The following SHROOM2 variants were observed in gnomAD, a reference collection of about 807,000 sequenced individuals.
The protein encoded by SHROOM2 is shroom family member 2, also known as protein Shroom2.
A neutral mutation model predicts 75.9 loss-of-function variants in SHROOM2; 33 were observed. The ratio of observed to expected loss-of-function variants is 0.43; its 90% confidence interval spans 0.33 to 0.58. The LOEUF is 0.58. Ranked by LOEUF, SHROOM2 falls within the 20% of genes least tolerant of loss-of-function variation. The pLI is 0.04. For missense variants in SHROOM2, 1,434 were observed against 1,461.2 expected, an observed-to-expected ratio of 0.98 and a Z score of 0.30; for synonymous variants, 655 against 663.6, an observed-to-expected ratio of 0.99 and a Z score of 0.20.
intron 1 of SHROOM2, among the ~76,000 whole-genome samples, chrX:9,805,041 C>T (rs753079698): frequency 9.3e-6 from 1 of 107,371 alleles, no homozygotes; most frequent in Non-Finnish European, 1.9e-5. Context: ...TCGAGACGAG[C>T]TTGCTTGGCC....
intron 5 of SHROOM2, among the ~76,000 whole-genome samples, chrX:9,930,722 G>C (rs1352287786): frequency 9.1e-6 from 1 of 110,279 alleles, no homozygotes; most frequent in Non-Finnish European, 1.9e-5. Context: ...CCCATGCATA[G>C]CTGTGTTCAA....
At chrX:9,866,228 C>T (rs186701979) in intron 1 of SHROOM2, among the ~76,000 whole-genome samples, 13 of 108,329 alleles carry the variant, frequency 1.2e-4, no homozygotes, top group African/African-American at 3.7e-4. Context: ...TATTTCCCAA[C>T]GTGTCTCTTT....
At chrX:9,829,683 C>A (rs1313117467) in intron 1 of SHROOM2, among the ~76,000 whole-genome samples, 2 of 112,083 alleles carry the variant, frequency 1.8e-5, no homozygotes, top group African/African-American at 3.2e-5. Context: ...TGAGAAATTG[C>A]GGTTGCCTGA....
intron 1 of SHROOM2, among the ~76,000 whole-genome samples, chrX:9,847,787 A>C (rs1569148705): frequency 8.9e-6 from 1 of 112,270 alleles, no homozygotes; most frequent in East Asian, 2.8e-4. Context: ...ACAGCTCTAC[A>C]CAACATTCCC....
intron 1 of SHROOM2, among the ~76,000 whole-genome samples, chrX:9,805,903 CAAA>C (rs34172058): frequency 0.037 from 1,903 of 51,821 alleles, 71 homozygotes; most frequent in East Asian, 0.28. Flanking sequence ...AACTGTGTCT[CAAA>C]AAAAAAAAAA....
At position 9,898,176 on chromosome X, in the gene SHROOM2, G is replaced by A. The variant is rs1256672776; in HGVS notation, c.2791-14G>A. ...GCTTGAGGACTTGGTGTCTCATTAT[G>A]TTGCCCTTTGCAGGAAGCTTCTGTC... On this transcript the variant is annotated splice_polypyrimidine_tract_variant and intron_variant, in intron 4 of 9. Transcript: ENST00000380913. 2 of 1,159,566 alleles carry A rather than the reference G, an allele frequency of 1.7e-6. No homozygotes were observed. Among genetic ancestry groups the A allele is most frequent in the Non-Finnish European group, 2.3e-6 (2 of 864,185 alleles).
chrX:9,823,148 T>TCCTC (rs2083867567), intron 1 of SHROOM2, among the ~76,000 whole-genome samples: 2 of 67,136 alleles, frequency 3.0e-5, no homozygotes, highest in African/African-American at 1.1e-4. Context: ...TCCTTCTCCT[T>TCCTC]CTTCCTTCTT....
rs1386055013 is a variant in SHROOM2 at position 9,937,242 on chromosome X, C to A, written c.3696C>A (p.Pro1232=). The change falls in exon 7 of 10, where the codon CCC becomes CCA. Residue 1232 remains proline, a synonymous_variant. Transcript: ENST00000380913. The part of the protein sequence containing the change: ...EKESRQSLAC[P]AEPPALPHGL... Reference sequence around the variant, plus strand: ...AGAGCCGCCAGAGCCTGGCATGCCCCGCCGAGCCACCTGCCCTGCCCCACG... The same window carrying A: ...AGAGCCGCCAGAGCCTGGCATGCCCAGCCGAGCCACCTGCCCTGCCCCACG... 1 of 1,208,858 alleles carries A rather than the reference C, an allele frequency of 8.3e-7. No individual in the cohort carries two copies. The highest frequency in any genetic ancestry group is 2.2e-5 in the Admixed American group (1 of 45,791).
At chrX:9,943,734 C>T (rs768486845) in intron 8 of SHROOM2, among the ~76,000 whole-genome samples, 117 of 112,262 alleles carry the variant, frequency 1.0e-3, no homozygotes, top group African/African-American at 3.7e-3. Context: ...ATTTTGAAAA[C>T]AGTCATCTGT....
chrX:9,894,838 A>G lies in SHROOM2; in HGVS notation c.930A>G (p.Ala310=). ...GGTATGTTCCCGATAAGAAGAAAGC[A>G]CCATCATCCCCACCTCCTCCCCCTC... The part of the protein sequence containing the change: ...PVWYVPDKKK[A]PSSPPPPPPP... Residue 310 remains alanine (A), a synonymous_variant, in exon 4 of 10, where the codon GCA becomes GCG. Transcript: ENST00000380913. The G allele has an allele frequency of 8.3e-7, 1 of 1,211,324 alleles. No individual in the cohort carries two copies. Among genetic ancestry groups the G allele is most frequent in the Non-Finnish European group, 1.1e-6 (1 of 895,295 alleles).
At chrX:9,942,081 C>G (rs2084777174) in intron 8 of SHROOM2, among the ~76,000 whole-genome samples, 1 of 111,177 alleles carries the variant, frequency 9.0e-6, no homozygotes, top group African/African-American at 3.3e-5. Context: ...GCATTGGTAT[C>G]AGGAATTTGG....
At chrX:9,868,015 A>C (rs774066579) in intron 1 of SHROOM2, among the ~76,000 whole-genome samples, 71 of 109,898 alleles carry the variant, frequency 6.5e-4, no homozygotes, top group African/African-American at 2.2e-3. Flanking sequence ...TGTGGGAATG[A>C]GACACATTCC....
chrX:9,805,916 A>C (rs1393270306), intron 1 of SHROOM2, among the ~76,000 whole-genome samples: 2 of 108,706 alleles, frequency 1.8e-5, no homozygotes, highest in African/African-American at 3.3e-5. Context: ...AAAAAAAAAA[A>C]AAACAAAAAC....
At chrX:9,902,708 C>T (rs773599705) in intron 5 of SHROOM2, among the ~76,000 whole-genome samples, 7 of 111,911 alleles carry the variant, frequency 6.3e-5, no homozygotes, top group Non-Finnish European at 1.3e-4. Flanking sequence ...CACATTTGTT[C>T]GTTGCTCCTC....
intron 1 of SHROOM2, among the ~76,000 whole-genome samples, chrX:9,825,686 T>C (rs1347998453): frequency 8.9e-6 from 1 of 111,971 alleles, no homozygotes; most frequent in African/African-American, 3.2e-5. Context: ...GAGCTGCATT[T>C]ATGGTTCCAT....
chrX:9,795,842 A>G (rs1331952263), intron 1 of SHROOM2, among the ~76,000 whole-genome samples: 1 of 110,204 alleles, frequency 9.1e-6, no homozygotes, highest in Non-Finnish European at 1.9e-5. Flanking sequence ...GAAGTCTGCC[A>G]GTTGAGGGGA....
At chrX:9,901,760 T>C (rs774170768) in intron 5 of SHROOM2, among the ~76,000 whole-genome samples, 1 of 112,308 alleles carries the variant, frequency 8.9e-6, no homozygotes, top group South Asian at 3.7e-4. Flanking sequence ...TAAACTCACA[T>C]CACGGATGTA....
chrX:9,856,997 T>A (rs1489505201), intron 1 of SHROOM2, among the ~76,000 whole-genome samples: 1 of 112,148 alleles, frequency 8.9e-6, no homozygotes, highest in African/African-American at 3.2e-5. Context: ...CTGCCAGGGA[T>A]CCTCTGATAT....
intron 1 of SHROOM2, among the ~76,000 whole-genome samples, chrX:9,826,491 G>A (rs12851447): frequency 0.011 from 1,265 of 111,157 alleles, 10 homozygotes; most frequent in Non-Finnish European, 0.021. Context: ...AACAAAAGAG[G>A]CTGGATGTGA....
Sources: allele counts gnomAD v4.1 joint callset (sites outside exome capture counted in the v4.1 genomes callset), GRCh38; gene constraint gnomAD v4.1.1; transcripts MANE v1.5; gene names NCBI Gene and HGNC (gene_info 2026-07-23, HGNC 2026-07-21).